NUMA1: variants seen among roughly 807,000 people sequenced by gnomAD.
The protein encoded by NUMA1 is nuclear mitotic apparatus protein 1.
In NUMA1, 62 loss-of-function variants were observed where a neutral mutation model predicts 237.1. That is an observed-to-expected ratio of 0.26 (90% CI 0.21 to 0.32). The LOEUF (loss-of-function observed/expected upper bound fraction) is 0.32. Ranked by LOEUF, NUMA1 falls within the 10% of genes least tolerant of loss-of-function variation. The pLI is 1.00. For synonymous variants in NUMA1, 1,028 were observed against 1,066.1 expected (o/e 0.96, Z 0.70); for missense variants, 2,533 against 2,666.5 (o/e 0.95, Z 1.10).
At chr11:72,073,911 G>A (rs1791544) in intron 1 of NUMA1, among the ~76,000 whole-genome samples, 119,516 of 152,138 alleles carry the variant, frequency 0.79, 50,132 homozygotes, top group Non-Finnish European at 0.94. Context: ...AGCTTCCGAG[G>A]CTGGCTGCGG....
At chr11:72,010,720 C>T in intron 17 of NUMA1, 66 bp downstream of exon 17, 15 of 1,532,688 alleles carry the variant, frequency 9.8e-6, no homozygotes, top group Non-Finnish European at 1.2e-5. Context: ...CCCCACGGCC[C>T]CAGAGCTTAG....
chr11:72,013,983 T>C lies in NUMA1; in HGVS notation c.3520A>G (p.Lys1174Glu). 1 of 1,612,636 alleles carries C rather than the reference T, an allele frequency of 6.2e-7. No homozygotes were observed. Among genetic ancestry groups the C allele is most frequent in the Non-Finnish European group, 8.5e-7 (1 of 1,179,840 alleles). ...LETLQGQLEE[K>E]AQELGHSQSA... ...TGACTGTGCCCTAGCTCCTGGGCCT[T>C]CTCCTCTAACTGGCCCTGCAGAGTC... Residue 1174 changes from lysine to glutamate, a missense_variant, in exon 15 of 27, where the codon AAG becomes GAG. Physicochemically the swap from Lys to Glu is moderately conservative, Grantham distance 56 (BLOSUM62 1). Coordinates refer to ENST00000393695, the MANE Select transcript of NUMA1 (RefSeq NM_006185.4). The surrounding 1 kb of genome is among the most constrained non-coding windows in gnomAD (Gnocchi z 6.8).
chr11:72,028,450 TAAAAAAAAAAAAAAAAAAAAA>T (rs11300189), intron 4 of NUMA1, among the ~76,000 whole-genome samples: 1 of 75,370 alleles, frequency 1.3e-5, no homozygotes, highest in African/African-American at 5.7e-5. Context: ...TGCTTTTTCT[TAAAAAAAAAAAAAAAAAAAAA>T]AAAAAAAGAT....
Position 72,035,980 on chromosome 11 carries a change from A to G in NUMA1, c.-32-5T>C. 1 of 1,607,338 alleles carries G rather than the reference A, an allele frequency of 6.2e-7. No individual in the cohort carries two copies. The highest frequency in any genetic ancestry group is 8.5e-7 in the Non-Finnish European group (1 of 1,173,920). ...CAGACAGTCACTCCAATGCGCCTGG[A>G]ACCCAAGAGAGGAAGAAAAGCAGTT... On this transcript the variant is annotated splice_polypyrimidine_tract_variant and splice_region_variant and intron_variant, in intron 2 of 26. Coordinates refer to ENST00000393695, the MANE Select transcript of NUMA1 (RefSeq NM_006185.4).
intron 2 of NUMA1, chr11:72,068,374 C>T (rs1452885119): frequency 2.0e-5 from 3 of 152,378 alleles, no homozygotes; most frequent in African/African-American, 7.2e-5. Flanking sequence ...AATCCTAGCA[C>T]TTTGGGCGGC....
intron 6 of NUMA1, among the ~76,000 whole-genome samples, chr11:72,022,736 A>C (rs1450709847): frequency 6.6e-6 from 1 of 152,118 alleles, no homozygotes; most frequent in Admixed American, 6.5e-5. Context: ...AGAGGGAATG[A>C]CTTAAGACTG....
chr11:72,022,133 A>T, intron 7 of NUMA1: 1 of 470,148 alleles, frequency 2.1e-6, no homozygotes, highest in Non-Finnish European at 3.8e-6. Flanking sequence ...TTAAAAAGTT[A>T]GCAAACTCTG....
chr11:72,007,242 T>C lies in NUMA1; in HGVS notation c.5410A>G (p.Thr1804Ala). The C allele has an allele frequency of 1.9e-6, 3 of 1,611,990 alleles. No individual in the cohort carries two copies. Among genetic ancestry groups the C allele is most frequent in the Non-Finnish European group, 2.5e-6 (3 of 1,179,494 alleles). The part of the protein sequence containing the change: ...GDVFLDSGRK[T>A]RSARRRTTQI... Reference sequence around the variant, plus strand: ...GTGGTGCGCCGACGAGCGGAGCGGGTCTTACGACCCGAGTCCAGGAAGACG... The same window carrying C: ...GTGGTGCGCCGACGAGCGGAGCGGGCCTTACGACCCGAGTCCAGGAAGACG... The change falls in exon 21 of 27, where the codon ACC becomes GCC. Residue 1804 changes from threonine (T) to alanine (A), a missense_variant. Transcript: ENST00000393695.
chr11:72,056,865 G>A (rs117694713), intron 2 of NUMA1, among the ~76,000 whole-genome samples: 2,694 of 151,968 alleles, frequency 0.018, 42 homozygotes, highest in Non-Finnish European at 0.026. Context: ...GACAGGACTG[G>A]AAGTAACAGA....
intron 2 of NUMA1, among the ~76,000 whole-genome samples, chr11:72,047,430 G>A (rs1392586507): frequency 1.3e-5 from 2 of 152,068 alleles, no homozygotes; most frequent in African/African-American, 2.4e-5. Flanking sequence ...TGAGGTTATA[G>A]TGAGCTATGA....
At chr11:72,010,881 A>G (rs1465497390) in intron 16 of NUMA1, 27 bp from the exon 17 acceptor site, 1 of 1,596,758 alleles carries the variant, frequency 6.3e-7, no homozygotes. Context: ...AGGACAGAAG[A>G]CTCAGGAGGA....
chr11:72,043,125 G>T (rs958411419), intron 2 of NUMA1, among the ~76,000 whole-genome samples: 5 of 152,082 alleles, frequency 3.3e-5, no homozygotes, highest in Non-Finnish European at 7.4e-5. Context: ...CTGTACAGGG[G>T]AGGAAAGTAT....
chr11:72,028,467 A>G, intron 4 of NUMA1, among the ~76,000 whole-genome samples: 1 of 151,178 alleles, frequency 6.6e-6, no homozygotes, highest in Admixed American at 6.6e-5. Flanking sequence ...AAAAAAAAAA[A>G]AAAAAAAAAA....
chr11:72,007,435 G>C lies in NUMA1; in HGVS notation c.5217C>G (p.Ser1739Arg). 6.2e-7 allele frequency: 1 copy of C among 1,613,146 alleles called. No homozygotes were observed. The highest frequency in any genetic ancestry group is 1.1e-5 in the South Asian group (1 of 91,038). ...CEEGTPLSIT[S>R]KLPRTQPDGT... Reference sequence around the variant, plus strand: ...CGTCTGGCTGGGTACGAGGCAGCTTGCTATGGAAAGGAAACCTGCTGAGGT... The same window carrying C: ...CGTCTGGCTGGGTACGAGGCAGCTTCCTATGGAAAGGAAACCTGCTGAGGT... Residue 1739 changes from serine (S) to arginine (R), a missense_variant and splice_region_variant, in exon 21 of 27, where the codon AGC becomes AGG. This residue lies in a region of NUMA1 where 795 missense variants were observed against 750.8 expected (regional missense o/e 1.06). Transcript: ENST00000393695.
intron 17 of NUMA1, 49 bp downstream of exon 17, chr11:72,010,736 AG>A (rs1956098142): frequency 6.3e-6 from 10 of 1,576,404 alleles, no homozygotes; most frequent in Non-Finnish European, 8.7e-6. Context: ...CTTAGAGAAT[AG>A]CTTCCCTCCC....
In NUMA1 at chr11:72,013,766, C is replaced by G. The variant is rs1406560989; in HGVS notation, c.3737G>C (p.Gly1246Ala). The G allele has an allele frequency of 6.2e-7, 1 of 1,610,050 alleles. No homozygotes were observed. Among genetic ancestry groups the G allele is most frequent in the South Asian group, 1.1e-5 (1 of 91,080 alleles). The change falls in exon 15 of 27, where the codon GGG becomes GCG. Residue 1246 changes from glycine to alanine, a missense_variant. Gly to Ala is a moderately conservative substitution (Grantham distance 60). Coordinates refer to ENST00000393695, the MANE Select transcript of NUMA1 (RefSeq NM_006185.4). The surrounding 1 kb of genome is among the most constrained non-coding windows in gnomAD (Gnocchi z 6.8). ...CAGCCGCTTCAACTCCTTGCTCTCC[C>G]CCTCCTTCTCCAGGACCTGGCGATT... ...ILNRQVLEKE[G>A]ESKELKRLVM...
chr11:72,055,906 A>G (rs1309538874), intron 2 of NUMA1, among the ~76,000 whole-genome samples: 3 of 152,022 alleles, frequency 2.0e-5, no homozygotes, highest in African/African-American at 7.2e-5. Context: ...ACCTGAGGCC[A>G]GGAGTTCGAG....
Position 72,018,827 on chromosome 11 carries a change from C to A in NUMA1, c.738G>T (p.Glu246Asp), listed in dbSNP as rs139072829. Residue 246 changes from glutamate (E) to aspartate (D), a missense_variant, in exon 10 of 27, where the codon GAG (glutamate) becomes GAT (aspartate). This residue lies in a region of NUMA1 where 1,414 missense variants were observed against 1,508.1 expected (regional missense o/e 0.94). Coordinates refer to ENST00000393695, the MANE Select transcript of NUMA1 (RefSeq NM_006185.4). ...ELAENRKLLTEKDAQIAMMQQ... is the reference protein window; with the variant it reads ...ELAENRKLLTDKDAQIAMMQQ... ...GCCAGTGTGCCAGCCACCTACCCTT[C>A]TCGGTGAGGAGCTTGCGGTTCTCAG... The A allele has an allele frequency of 1.2e-6, 2 of 1,609,056 alleles. No individual in the cohort carries two copies. The highest frequency in any genetic ancestry group is 2.7e-5 in the African/African-American group (2 of 74,902).
chr11:72,033,357 GTTCT>G (rs1259424312), intron 3 of NUMA1, among the ~76,000 whole-genome samples: 19 of 56,904 alleles, frequency 3.3e-4, no homozygotes, highest in African/African-American at 7.9e-4. Flanking sequence ...TTTCATGCAT[GTTCT>G]TTGTTTTTTT....
Sources: allele counts gnomAD v4.1 joint callset (sites outside exome capture counted in the v4.1 genomes callset), GRCh38; gene constraint gnomAD v4.1.1; regional missense constraint gnomAD v4.1.1; non-coding constraint Gnocchi (gnomAD v3.1); transcripts MANE v1.5; gene names NCBI Gene and HGNC (gene_info 2026-07-23, HGNC 2026-07-21).